ACACB: variants seen among roughly 807,000 people sequenced by gnomAD.
ACACB encodes the protein acetyl-CoA carboxylase 2.
Under a neutral mutation model 278.8 loss-of-function variants are expected in ACACB, and 209 were observed. The observed-to-expected ratio is 0.75, with a 90% CI of 0.67 to 0.84. The LOEUF is 0.84. Ranked by LOEUF, ACACB falls within the 40% of genes least tolerant of loss-of-function variation. The pLI is 0.00. For synonymous variants in ACACB, 1,174 were observed against 1,285.6 expected, an observed-to-expected ratio of 0.91 and a Z score of 1.86; for missense variants, 2,850 against 3,269.0, an observed-to-expected ratio of 0.87 and a Z score of 3.13.
At chr12:109,130,908 A>G (rs1430759947) in intron 1 of ACACB, among the ~76,000 whole-genome samples, 3 of 151,742 alleles carry the variant, frequency 2.0e-5, no homozygotes. Context: ...GCTGAGTCTC[A>G]CCCTCCCTTC....
intron 44 of ACACB, among the ~76,000 whole-genome samples, chr12:109,255,189 G>T (rs1332043721): frequency 6.6e-6 from 1 of 152,258 alleles, no homozygotes; most frequent in East Asian, 1.9e-4. Flanking sequence ...CTCTGAAAGG[G>T]ATGAGTTTCT....
At chr12:109,169,141 T>TGAA (rs2044019950) in intron 4 of ACACB, among the ~76,000 whole-genome samples, 1 of 10,344 alleles carries the variant, frequency 9.7e-5, no homozygotes, top group Admixed American at 5.8e-4. Flanking sequence ...TGAGACTGTC[T>TGAA]CAAAAAAAAA....
chr12:109,246,822 A>G (rs2046960608), intron 39 of ACACB, among the ~76,000 whole-genome samples: 1 of 152,024 alleles, frequency 6.6e-6, no homozygotes, highest in South Asian at 2.1e-4. Flanking sequence ...CATCCCAGCA[A>G]CTCAGGAGGC....
At chr12:109,221,782 C>T (rs934378571) in intron 24 of ACACB, among the ~76,000 whole-genome samples, 1 of 152,046 alleles carries the variant, frequency 6.6e-6, no homozygotes, top group Admixed American at 6.5e-5. Flanking sequence ...AAATAAGTAA[C>T]TCTTCGTGGG....
Position 109,242,490 on chromosome 12 carries a change from C to T in ACACB, c.5076C>T (p.Ile1692=). The stretch of plus-strand genomic sequence containing the variant: ...AAGGGCCCCAGCACGGGATGCTGAT[C>T]AATACTCCCTACGTCACCAAGGATC... ...NKQGPQHGML[I]NTPYVTKDLL... is the part of the protein sequence containing the mutation. The change falls in exon 37 of 53, where the codon ATC becomes ATT. Residue 1692 remains isoleucine (I), a synonymous_variant. Transcript: ENST00000338432. 1.9e-6 allele frequency: 3 copies of T among 1,614,134 alleles called. No individual in the cohort carries two copies. The highest frequency in any genetic ancestry group is 1.7e-6 in the Non-Finnish European group (2 of 1,180,002).
intron 1 of ACACB, among the ~76,000 whole-genome samples, chr12:109,135,449 G>A (rs1295496794): frequency 6.6e-6 from 1 of 151,860 alleles, no homozygotes; most frequent in Non-Finnish European, 1.5e-5. Context: ...GTTTGCAAGT[G>A]GTCCTCCCAT....
chr12:109,228,089 GCA>G (rs898475690), intron 28 of ACACB, among the ~76,000 whole-genome samples: 5 of 149,588 alleles, frequency 3.3e-5, no homozygotes, highest in Non-Finnish European at 7.4e-5. Context: ...TGTAATCTCA[GCA>G]CTTTGGGAGG....
chr12:109,191,802 C>G, intron 14 of ACACB, 39 bp downstream of exon 14: 4 of 1,614,046 alleles, frequency 2.5e-6, no homozygotes, highest in East Asian at 2.2e-5. Context: ...TCTGGATGGC[C>G]GAGACCTCGG....
In ACACB at chr12:109,199,602, C is replaced by G. The variant is rs753995683; in HGVS notation, c.2778+50C>G. The stretch of plus-strand genomic sequence containing the variant: ...AATCCTGAACCCTCAAACTCCCACT[C>G]TTCTGGCTTTGTCCCATGTCTGAAC... On this transcript the variant is annotated intron_variant, in intron 18 of 52. Coordinates refer to ENST00000338432, the MANE Select transcript of ACACB (RefSeq NM_001093.4). 2.5e-5 allele frequency: 34 copies of G among 1,365,098 alleles called. 1 individual carries two copies. The Admixed American group carries it at 9.5e-4, about 38-fold the overall frequency. The allele number at this position is 1,365,098 out of a possible 1,614,324, so 84.6% of individuals were successfully genotyped here. A position where few individuals can be genotyped will look rare whatever the true frequency, so the allele number is the denominator to read the frequency against.
At chr12:109,250,218 C>T (rs1565972916) in intron 41 of ACACB, 114 bp downstream of exon 41, 10 of 1,123,302 alleles carry the variant, frequency 8.9e-6, no homozygotes, top group Non-Finnish European at 1.1e-5. Flanking sequence ...CACATACCTC[C>T]TACAGTTACC....
intron 4 of ACACB, among the ~76,000 whole-genome samples, chr12:109,169,337 A>T (rs1252772429): frequency 1.3e-5 from 2 of 152,124 alleles, no homozygotes; most frequent in African/African-American, 4.8e-5. Flanking sequence ...TCTGTTTTAC[A>T]GATGGCACAG....
Position 109,174,233 on chromosome 12 carries a change from A to T in ACACB, c.1216+3A>T. 6.2e-7 allele frequency: 1 copy of T among 1,608,070 alleles called. No homozygotes were observed. The highest frequency in any genetic ancestry group is 8.5e-7 in the Non-Finnish European group (1 of 1,177,592). Reference sequence around the variant, plus strand: ...AACCCTGCCCTGGAGTGGAAGCGGTAAGGGACCCCGAGCTTCCCTCTGGGG... The same window carrying T: ...AACCCTGCCCTGGAGTGGAAGCGGTTAGGGACCCCGAGCTTCCCTCTGGGG... On this transcript the variant is annotated splice_donor_region_variant and intron_variant, in intron 7 of 52. Transcript: ENST00000338432.
At chr12:109,164,961 C>T (rs570636265) in intron 2 of ACACB, among the ~76,000 whole-genome samples, 18 of 151,984 alleles carry the variant, frequency 1.2e-4, no homozygotes, top group Middle Eastern at 3.4e-3. Flanking sequence ...GAGCAACACA[C>T]AGGAGACAGG....
rs2046006563 is a variant in ACACB at position 109,216,606 on chromosome 12, C to T, written c.3351-12C>T. The T allele has an allele frequency of 1.2e-6, 2 of 1,613,664 alleles. No homozygotes were observed. The highest frequency in any genetic ancestry group is 2.2e-5 in the South Asian group (2 of 91,060). The stretch of plus-strand genomic sequence containing the variant: ...GGTGTGAGCATTAAGAGCAGCCTTC[C>T]CTTCTCCCCAGATACCGCAGCGGGA... On this transcript the variant is annotated splice_polypyrimidine_tract_variant and intron_variant, in intron 22 of 52. Transcript: ENST00000338432.
chr12:109,193,630 C>G lies in ACACB; in HGVS notation c.2400-18C>G. The G allele has an allele frequency of 6.2e-7, 1 of 1,603,624 alleles. No homozygotes were observed. Among genetic ancestry groups the G allele is most frequent in the Non-Finnish European group, 8.5e-7 (1 of 1,170,492 alleles). ...CAGTCCCTCCCAAGGCTGACCACAA[C>G]CCTGTCTTTTCTTTCAGGGGCCAGG... On this transcript the variant is annotated intron_variant, in intron 15 of 52. Coordinates refer to ENST00000338432, the MANE Select transcript of ACACB (RefSeq NM_001093.4).
chr12:109,162,605 AG>A (rs142665417), intron 2 of ACACB, among the ~76,000 whole-genome samples: 2,662 of 152,252 alleles, frequency 0.017, 49 homozygotes, highest in African/African-American at 0.044. Context: ...GGCACAGTTG[AG>A]GGCATGGGGC....
At chr12:109,149,709 C>T (rs2043324415) in intron 2 of ACACB, among the ~76,000 whole-genome samples, 1 of 152,202 alleles carries the variant, frequency 6.6e-6, no homozygotes, top group South Asian at 2.1e-4. Context: ...CAAGGTTTGT[C>T]CCATCCATTC....
chr12:109,147,457 C>G (rs2043270666), intron 2 of ACACB, among the ~76,000 whole-genome samples: 1 of 144,106 alleles, frequency 6.9e-6, no homozygotes, highest in African/African-American at 2.6e-5. Flanking sequence ...GTTGGCTAGG[C>G]TGGTCTTGAA....
intron 16 of ACACB, among the ~76,000 whole-genome samples, chr12:109,195,526 T>C (rs2045091934): frequency 6.6e-6 from 1 of 152,218 alleles, no homozygotes; most frequent in Non-Finnish European, 1.5e-5. Flanking sequence ...AATTTCAAAA[T>C]TTCAAGCGAG....
Sources: gnomAD v4.1 joint callset for allele counts (sites outside exome capture counted in the v4.1 genomes callset) on GRCh38, gnomAD v4.1.1 for gene constraint, MANE v1.5 for transcripts, NCBI Gene and HGNC (gene_info 2026-07-23, HGNC 2026-07-21) for gene names.